The following TMTC1 variants were observed in gnomAD, a reference collection of about 807,000 sequenced individuals.
The protein encoded by TMTC1 is protein O-mannosyl-transferase TMTC1.
A neutral mutation model predicts 104.8 loss-of-function variants in TMTC1; 73 were observed. The observed-to-expected ratio is 0.70, with a 90% confidence interval of 0.58 to 0.85. The LOEUF is 0.85. Among genes scored for constraint, TMTC1 ranks in the 40% least tolerant of loss-of-function variants. TMTC1 has a pLI of 0.00. For missense variants in TMTC1, 1,035 were observed against 1,096.1 expected, an observed-to-expected ratio of 0.94 and a Z score of 0.79; for synonymous variants, 434 against 428.7, an observed-to-expected ratio of 1.01 and a Z score of -0.15.
chr12:29,744,474 G>T (rs1349346074), intron 5 of TMTC1, among the ~76,000 whole-genome samples: 1 of 152,176 alleles, frequency 6.6e-6, no homozygotes, highest in East Asian at 1.9e-4. Context: ...GATTTATTTA[G>T]AAGAAGCTTT....
chr12:29,644,152 T>TATATATAATGAA (rs1939160343), intron 5 of TMTC1, among the ~76,000 whole-genome samples: 1 of 51,218 alleles, frequency 2.0e-5, no homozygotes, highest in African/African-American at 8.2e-5. Context: ...TGTGTGTGTA[T>TATATATAATGAA]ATATATATAT....
intron 6 of TMTC1, among the ~76,000 whole-genome samples, chr12:29,606,746 T>C (rs1946709021): frequency 6.6e-6 from 1 of 152,140 alleles, no homozygotes; most frequent in South Asian, 2.1e-4. Flanking sequence ...CGGCCCCTCA[T>C]CAAGGTTATT....
chr12:29,667,828 C>A (rs1940342276), intron 5 of TMTC1, among the ~76,000 whole-genome samples: 1 of 152,162 alleles, frequency 6.6e-6, no homozygotes, highest in South Asian at 2.1e-4. Flanking sequence ...TTAGTGATGG[C>A]AGGTACTGAA....
In TMTC1 at chr12:29,643,813, A is replaced by ATATATT. The variant is rs1367220461; in HGVS notation, c.939-10478_939-10477insAATATA. Among the ~76,000 whole-genome samples, 11 of 76,034 alleles carry ATATATT rather than the reference A, an allele frequency of 1.4e-4. 1 individual carries two copies. The highest frequency in any genetic ancestry group is 6.1e-4 in the African/African-American group (11 of 18,018). 49.9% of individuals were successfully genotyped at this position (76,034 alleles called of 152,430 possible). A position where few individuals can be genotyped will look rare whatever the true frequency, so the allele number is the denominator to read the frequency against. ...TATTTATATACATATTTATATATTTATATATATTTATATATTTATATATAT... is the reference window on the plus strand; with the variant it reads ...TATTTATATACATATTTATATATTTATATATTTATATATTTATATATTTATATATAT... On this transcript the variant is annotated intron_variant, in intron 5 of 17. Coordinates refer to ENST00000539277, the MANE Select transcript of TMTC1 (RefSeq NM_001193451.2).
At chr12:29,579,390 G>T (rs1945913892) in intron 8 of TMTC1, among the ~76,000 whole-genome samples, 1 of 152,164 alleles carries the variant, frequency 6.6e-6, no homozygotes, top group African/African-American at 2.4e-5. Context: ...CTTTACAAAA[G>T]AATCTGTCAG....
At chr12:29,600,008 A>ATATATATATATATATTTT (rs59108744) in intron 7 of TMTC1, among the ~76,000 whole-genome samples, 1 of 118,684 alleles carries the variant, frequency 8.4e-6, no homozygotes, top group African/African-American at 3.8e-5. Flanking sequence ...ATATATATAT[A>ATATATATATATATATTTT]TTTTTTTTTT....
intron 5 of TMTC1, among the ~76,000 whole-genome samples, chr12:29,716,797 C>T (rs894261074): frequency 6.6e-6 from 1 of 152,108 alleles, no homozygotes; most frequent in African/African-American, 2.4e-5. Context: ...AGGCAGATCA[C>T]GAGGTCAGGA....
intron 10 of TMTC1, among the ~76,000 whole-genome samples, chr12:29,539,957 G>A (rs1176521739): frequency 1.3e-5 from 2 of 152,160 alleles, no homozygotes; most frequent in East Asian, 1.9e-4. Context: ...CTGGTTCCCA[G>A]AGACACCTTC....
upstream of TMTC1, chr12:29,784,368 C>T (rs1165506060): frequency 6.6e-6 from 1 of 152,274 alleles, no homozygotes; most frequent in African/African-American, 2.4e-5. Context: ...GCACCCGGGA[C>T]AACAGCAGCG....
chr12:29,727,779 A>G (rs1036750755), intron 5 of TMTC1, among the ~76,000 whole-genome samples: 1 of 108,252 alleles, frequency 9.2e-6, no homozygotes, highest in Non-Finnish European at 2.2e-5. Context: ...ATGAATTTGT[A>G]GCAGTTTTTT....
chr12:29,639,532 C>T (rs529892801), intron 5 of TMTC1, among the ~76,000 whole-genome samples: 12 of 152,320 alleles, frequency 7.9e-5, no homozygotes, highest in African/African-American at 2.9e-4. Context: ...TGAAATCCTA[C>T]TATAAATTGA....
chr12:29,513,120 A>AT (rs752202876), intron 16 of TMTC1, among the ~76,000 whole-genome samples: 1 of 152,190 alleles, frequency 6.6e-6, no homozygotes, highest in African/African-American at 2.4e-5. Context: ...GGAGACCTGG[A>AT]TTCAAACCCT....
intron 5 of TMTC1, among the ~76,000 whole-genome samples, chr12:29,633,594 A>G (rs763693429): frequency 2.0e-5 from 3 of 152,320 alleles, no homozygotes; most frequent in Non-Finnish European, 2.9e-5. Context: ...TCCATGACAT[A>G]TATTTTAAAA....
intron 11 of TMTC1, among the ~76,000 whole-genome samples, chr12:29,528,287 T>C (rs1036035163): frequency 2.0e-4 from 30 of 152,176 alleles, no homozygotes; most frequent in African/African-American, 7.2e-4. Flanking sequence ...AAGCTATTTA[T>C]AGGACAACTT....
intron 5 of TMTC1, among the ~76,000 whole-genome samples, chr12:29,751,440 G>T (rs556618328): frequency 1.3e-5 from 2 of 152,266 alleles, no homozygotes; most frequent in African/African-American, 4.8e-5. Context: ...CAGGCAGGCA[G>T]CAGGGCTTCC....
chr12:29,539,930 C>T (rs80225160), intron 10 of TMTC1, among the ~76,000 whole-genome samples: 2,281 of 152,338 alleles, frequency 0.015, 59 homozygotes, highest in African/African-American at 0.052. Flanking sequence ...TGGCTCTTCT[C>T]TCCTTCCTAT....
Position 29,501,314 on chromosome 12 carries a change from G to T in TMTC1, c.*5532C>A, listed in dbSNP as rs899321641. On this transcript the variant is annotated 3_prime_UTR_variant, in exon 18 of 18. Transcript: ENST00000539277. Reference sequence around the variant, plus strand: ...TAGGGTTGTATCATTTAAAAAAGGGGCAACATTTATGAATTATCTCATCAG... The same window carrying T: ...TAGGGTTGTATCATTTAAAAAAGGGTCAACATTTATGAATTATCTCATCAG... 6.6e-6 allele frequency: 1 copy of T among 152,118 alleles called. No homozygotes were observed. Among genetic ancestry groups the T allele is most frequent in the Non-Finnish European group, 1.5e-5 (1 of 68,024 alleles). 9.4% of individuals were successfully genotyped at this position (152,118 alleles called of 1,614,324 possible).
At position 29,738,263 on chromosome 12, in the gene TMTC1, C is replaced by T. The variant is rs115374360; in HGVS notation, c.938+13403G>A. On this transcript the variant is annotated intron_variant, in intron 5 of 17. Coordinates refer to ENST00000539277, the MANE Select transcript of TMTC1 (RefSeq NM_001193451.2). The stretch of plus-strand genomic sequence containing the variant: ...AATCCATGTACCTAATCCCTGAGCA[C>T]GCCACAGCTTCCTTATTGTTAAATG... 2.5e-3 allele frequency among the ~76,000 whole-genome samples: 386 copies of T among 152,284 alleles called. 2 individuals are homozygous for T. Among genetic ancestry groups the T allele is most frequent in the African/African-American group, 9.0e-3 (373 of 41,552 alleles).
chr12:29,590,183 C>CA (rs11421471), intron 7 of TMTC1, among the ~76,000 whole-genome samples: 25,926 of 139,454 alleles, frequency 0.19, 2,751 homozygotes, highest in African/African-American at 0.32. Flanking sequence ...TATACAGTAA[C>CA]AAAAAAAAAA....
Sources: gnomAD v4.1 joint callset for allele counts (sites outside exome capture counted in the v4.1 genomes callset) on GRCh38, gnomAD v4.1.1 for gene constraint, MANE v1.5 for transcripts, NCBI Gene and HGNC (gene_info 2026-07-23, HGNC 2026-07-21) for gene names.